The following TCEANC2 variants were observed in gnomAD, a reference collection of about 807,000 sequenced individuals.
TCEANC2 encodes transcription elongation factor A N-terminal and central domain-containing protein 2.
TCEANC2 carries 20 observed loss-of-function variants against 22.8 expected under a neutral mutation model. The observed-to-expected ratio is 0.88, with a 90% CI of 0.62 to 1.28. The LOEUF (loss-of-function observed/expected upper bound fraction) is 1.28. Among genes scored for constraint, TCEANC2 ranks in the 50% most tolerant of loss-of-function variants. The pLI is 0.00. For synonymous variants in TCEANC2, 84 were observed against 95.5 expected, an observed-to-expected ratio of 0.88 and a Z score of 0.70; for missense variants, 251 against 249.7, an observed-to-expected ratio of 1.01 and a Z score of -0.03.
intron 3 of TCEANC2, among the ~76,000 whole-genome samples, chr1:54,078,375 C>G (rs1381709490): frequency 1.3e-5 from 2 of 152,192 alleles, no homozygotes; most frequent in African/African-American, 4.8e-5. Flanking sequence ...GAACCCAGGT[C>G]TCCTGGAGCA....
chr1:54,086,684 T>C (rs962686748), intron 3 of TCEANC2, among the ~76,000 whole-genome samples: 1 of 152,130 alleles, frequency 6.6e-6, no homozygotes, highest in Non-Finnish European at 1.5e-5. Flanking sequence ...AGAGTGGATA[T>C]AGCACCAAAG....
rs768089754 is a variant in TCEANC2, at chr1:54,105,631, C to CTTTTT, written c.*9167_*9171dup. 14 of 113,716 alleles carry CTTTTT rather than the reference C, an allele frequency of 1.2e-4. No homozygotes were observed. Among genetic ancestry groups the CTTTTT allele is most frequent in the African/African-American group, 4.7e-4 (13 of 27,728 alleles). 7.0% of individuals were successfully genotyped at this position (113,716 alleles called of 1,614,324 possible). A position where few individuals can be genotyped will look rare whatever the true frequency, so the allele number is the denominator to read the frequency against. ...CAATTCTAGAACAGGGGTCAGCAAA[C>CTTTTT]TTTTTTTTTTTTTCGAGACGGAGTC... On this transcript the variant is annotated 3_prime_UTR_variant, in exon 5 of 5. Coordinates refer to ENST00000234827, the MANE Select transcript of TCEANC2 (RefSeq NM_153035.3).
intron 4 of TCEANC2, chr1:54,089,932 A>C (rs1475780806): frequency 1.3e-6 from 1 of 763,670 alleles, no homozygotes; most frequent in African/African-American, 1.7e-5. Flanking sequence ...AGGCAGAGCC[A>C]CCGGAAACGT....
At position 54,099,834 on chromosome 1, in the gene TCEANC2, A is replaced by C. The variant is rs1358674588; in HGVS notation, c.*3361A>C. The C allele has an allele frequency of 1.3e-5, 2 of 152,148 alleles. No homozygotes were observed. Among genetic ancestry groups the C allele is most frequent in the Non-Finnish European group, 2.9e-5 (2 of 68,034 alleles). 9.4% of individuals were successfully genotyped at this position (152,148 alleles called of 1,614,324 possible). On this transcript the variant is annotated 3_prime_UTR_variant, in exon 5 of 5. Transcript: ENST00000234827. ...AGACCTCTGAGTTACCTGTAAGTCA[A>C]GGTGTGAATATGTCTTATAAGCAAG...
At chr1:54,073,724 GA>G (rs1370222916) in intron 3 of TCEANC2, among the ~76,000 whole-genome samples, 5 of 152,236 alleles carry the variant, frequency 3.3e-5, no homozygotes, top group African/African-American at 1.2e-4. Flanking sequence ...TGCCATGTGG[GA>G]AAAGTGTTGG....
In TCEANC2 at chr1:54,097,847, T is replaced by C. The variant is rs1658587145; in HGVS notation, c.*1374T>C. ...TTCAATTTCCTACTGCTAGTAACTA[T>C]TGGAGCTAGAATAATAATAATCGAG... On this transcript the variant is annotated 3_prime_UTR_variant, in exon 5 of 5. Transcript: ENST00000234827. The C allele has an allele frequency of 6.6e-6, 1 of 152,172 alleles. No homozygotes were observed. The highest frequency in any genetic ancestry group is 2.1e-4 in the South Asian group (1 of 4,830). The allele number at this position is 152,172 out of a possible 1,614,324, so 9.4% of individuals were successfully genotyped here.
At chr1:54,077,743 C>T (rs74085159) in intron 3 of TCEANC2, among the ~76,000 whole-genome samples, 1 of 152,004 alleles carries the variant, frequency 6.6e-6, no homozygotes, top group Non-Finnish European at 1.5e-5. Context: ...GGAATATAGT[C>T]TTCAAATGAG....
intron 2 of TCEANC2, among the ~76,000 whole-genome samples, chr1:54,057,696 G>A (rs1354985238): frequency 2.0e-5 from 3 of 152,002 alleles, no homozygotes; most frequent in African/African-American, 7.3e-5. Context: ...ATCTACTCAG[G>A]TCACTTTCCT....
chr1:54,081,926 C>T (rs1470545943), intron 3 of TCEANC2, among the ~76,000 whole-genome samples: 2 of 152,222 alleles, frequency 1.3e-5, no homozygotes, highest in African/African-American at 4.8e-5. Context: ...AGGGCCTGTG[C>T]TCTTCTGATT....
intron 3 of TCEANC2, among the ~76,000 whole-genome samples, chr1:54,072,053 C>CTTCT (rs1658066064): frequency 6.6e-6 from 1 of 152,154 alleles, no homozygotes; most frequent in Non-Finnish European, 1.5e-5. Context: ...CTCAAGCAGT[C>CTTCT]TTCTCATCTC....
In TCEANC2 at chr1:54,105,390, TG is replaced by T. The variant is rs1233993993; in HGVS notation, c.*8919del. On this transcript the variant is annotated 3_prime_UTR_variant, in exon 5 of 5. Transcript: ENST00000234827. ...GCCCCACTGCCTCAACTTGACAACT[TG>T]GAAGGGCCATCTCAGCTTCAAGACC... 6.6e-6 allele frequency: 1 copy of T among 152,270 alleles called. No homozygotes were observed. The highest frequency in any genetic ancestry group is 2.4e-5 in the African/African-American group (1 of 41,454). The allele number at this position is 152,270 out of a possible 1,614,324, so 9.4% of individuals were successfully genotyped here.
At chr1:54,072,544 G>A (rs891203799) in intron 3 of TCEANC2, among the ~76,000 whole-genome samples, 2 of 151,582 alleles carry the variant, frequency 1.3e-5, no homozygotes, top group Non-Finnish European at 2.9e-5. Context: ...CTACAGGCAC[G>A]TGCCACCACA....
chr1:54,080,811 A>G (rs552355959), intron 3 of TCEANC2, among the ~76,000 whole-genome samples: 6 of 152,342 alleles, frequency 3.9e-5, no homozygotes, highest in Admixed American at 3.3e-4. Context: ...AACCCAGGGA[A>G]CTTGACCTGG....
chr1:54,083,351 C>T (rs1658281220), intron 3 of TCEANC2, among the ~76,000 whole-genome samples: 1 of 152,008 alleles, frequency 6.6e-6, no homozygotes, highest in Admixed American at 6.5e-5. Flanking sequence ...AGGACCATGC[C>T]CTAGCTGGGG....
At chr1:54,108,457 T>G (rs1658792486), downstream of TCEANC2, among the ~76,000 whole-genome samples, 1 of 152,110 alleles carries the variant, frequency 6.6e-6, no homozygotes, top group African/African-American at 2.4e-5. Context: ...AAGAAGAGAT[T>G]AGGATGCAGA....
intron 2 of TCEANC2, among the ~76,000 whole-genome samples, chr1:54,055,441 G>A (rs938129463): frequency 6.6e-6 from 1 of 152,166 alleles, no homozygotes; most frequent in African/African-American, 2.4e-5. Context: ...TTGTCATCCT[G>A]AACCTTGCCT....
At chr1:54,057,590 C>T (rs375539943) in intron 2 of TCEANC2, among the ~76,000 whole-genome samples, 9 of 152,216 alleles carry the variant, frequency 5.9e-5, no homozygotes, top group East Asian at 5.8e-4. Context: ...TAGAGCAGTG[C>T]TATGGTCTGT....
At chr1:54,075,221 G>A (rs1292454016) in intron 3 of TCEANC2, among the ~76,000 whole-genome samples, 1 of 152,212 alleles carries the variant, frequency 6.6e-6, no homozygotes, top group Non-Finnish European at 1.5e-5. Flanking sequence ...TGGAGAAATA[G>A]GCATTCAGGT....
At chr1:54,079,713 AG>A (rs1658203694) in intron 3 of TCEANC2, among the ~76,000 whole-genome samples, 1 of 152,166 alleles carries the variant, frequency 6.6e-6, no homozygotes, top group African/African-American at 2.4e-5. Flanking sequence ...TCTCCATCTC[AG>A]GGTACTTAAC....
Sources: gnomAD v4.1 joint callset for allele counts (sites outside exome capture counted in the v4.1 genomes callset) on GRCh38, gnomAD v4.1.1 for gene constraint, MANE v1.5 for transcripts, NCBI Gene and HGNC (gene_info 2026-07-23, HGNC 2026-07-21) for gene names.